Variants in CAMK4 observed in about 807,000 individuals in gnomAD.
CAMK4 encodes the protein calcium/calmodulin-dependent protein kinase type IV.
A neutral mutation model predicts 44.9 loss-of-function variants in CAMK4; 22 were observed. That is an observed-to-expected ratio of 0.49 (90% confidence interval 0.35 to 0.70). The LOEUF (loss-of-function observed/expected upper bound fraction) is 0.70, where lower values mean the gene tolerates loss of function less well. Among genes scored for constraint, CAMK4 ranks in the 30% least tolerant of loss-of-function variants. The pLI, the probability that CAMK4 is intolerant of heterozygous loss-of-function variation, is 0.01. For missense variants in CAMK4, 498 were observed against 586.8 expected (o/e 0.85, Z 1.56); for synonymous variants, 218 against 215.4 (o/e 1.01, Z -0.11).
chr5:111,296,283 A>G (rs2112635986), intron 1 of CAMK4, among the ~76,000 whole-genome samples: 1 of 152,298 alleles, frequency 6.6e-6, no homozygotes, highest in East Asian at 1.9e-4. Context: ...GAAATATTTA[A>G]GCCTAAGGAA....
At chr5:111,230,877 A>G (rs575056538) in intron 1 of CAMK4, among the ~76,000 whole-genome samples, 1 of 152,098 alleles carries the variant, frequency 6.6e-6, no homozygotes, top group Non-Finnish European at 1.5e-5. Context: ...GTATCTAATA[A>G]ACAGAATATT....
intron 8 of CAMK4, among the ~76,000 whole-genome samples, chr5:111,473,869 GT>G (rs1476727062): frequency 1.3e-5 from 2 of 151,988 alleles, no homozygotes; most frequent in African/African-American, 4.8e-5. Flanking sequence ...TTTCTGTTAG[GT>G]TTTCAAGGGT....
intron 2 of CAMK4, among the ~76,000 whole-genome samples, chr5:111,350,318 A>T (rs1470588716): frequency 2.0e-5 from 3 of 152,076 alleles, no homozygotes; most frequent in Non-Finnish European, 4.4e-5. Context: ...ATATAATTTT[A>T]ATGTTCTCAT....
chr5:111,249,440 AATT>A (rs1561361417), intron 1 of CAMK4, among the ~76,000 whole-genome samples: 1 of 150,952 alleles, frequency 6.6e-6, no homozygotes, highest in Non-Finnish European at 1.5e-5. Flanking sequence ...ATTTGAATAT[AATT>A]ATATGTATTT....
intron 2 of CAMK4, among the ~76,000 whole-genome samples, chr5:111,371,059 T>C (rs561628423): frequency 6.6e-6 from 1 of 152,182 alleles, no homozygotes; most frequent in Admixed American, 6.5e-5. Context: ...TATAAGTGTT[T>C]GTCTCTTGCT....
chr5:111,258,558 C>T (rs1483941414), intron 1 of CAMK4, among the ~76,000 whole-genome samples: 2 of 152,100 alleles, frequency 1.3e-5, no homozygotes, highest in Non-Finnish European at 2.9e-5. Flanking sequence ...CATCAGATCT[C>T]GTGAGACTGA....
chr5:111,261,668 G>A (rs1485297345), intron 1 of CAMK4, among the ~76,000 whole-genome samples: 1 of 151,458 alleles, frequency 6.6e-6, no homozygotes, highest in Admixed American at 6.6e-5. Context: ...TGCAAAAGTT[G>A]GAGAGAATGC....
intron 2 of CAMK4, among the ~76,000 whole-genome samples, chr5:111,360,111 T>G (rs962569298): frequency 3.3e-5 from 5 of 152,216 alleles, no homozygotes; most frequent in African/African-American, 1.2e-4. Flanking sequence ...GAACCTGAAT[T>G]CCTCTTGCTA....
rs138550485 is a variant in CAMK4 at position 111,320,842 on chromosome 5, T to C, written c.162-23182T>C. Among the ~76,000 whole-genome samples the C allele has an allele frequency of 1.6e-3, 249 of 152,342 alleles. No homozygotes were observed. In the Middle Eastern group the frequency reaches 0.024, roughly 15 times the overall value. On this transcript the variant is annotated intron_variant, in intron 1 of 10. Transcript: ENST00000282356. ...TTTTAATTGATATTCAAGTGCATTG[T>C]CTTTCACATTTTAACATCTCTGCAG...
intron 3 of CAMK4, 60 bp from the exon 4 acceptor site, chr5:111,376,800 A>G (rs1751229156): frequency 9.8e-7 from 1 of 1,020,732 alleles, no homozygotes; most frequent in South Asian, 1.4e-5. Context: ...AGTATTAGCT[A>G]TTTCCAAGAA....
chr5:111,431,458 T>G (rs1458904645), intron 5 of CAMK4, among the ~76,000 whole-genome samples: 1 of 152,140 alleles, frequency 6.6e-6, no homozygotes, highest in African/African-American at 2.4e-5. Context: ...GGGCAAAGAC[T>G]TTTTGAACAA....
intron 1 of CAMK4, among the ~76,000 whole-genome samples, chr5:111,231,939 A>G (rs1748495075): frequency 6.6e-6 from 1 of 152,246 alleles, no homozygotes; most frequent in Non-Finnish European, 1.5e-5. Context: ...AAAGATTAGC[A>G]GAGTTAAAAC....
At chr5:111,317,779 G>C (rs953975338) in intron 1 of CAMK4, among the ~76,000 whole-genome samples, 1 of 151,866 alleles carries the variant, frequency 6.6e-6, no homozygotes, top group Non-Finnish European at 1.5e-5. Context: ...TTAATGCTCT[G>C]CCATGGCCAT....
Position 111,274,356 on chromosome 5 carries a change from A to G in CAMK4, c.161+49712A>G, listed in dbSNP as rs540067689. ...TCTTCATTGTCTGTCTTCCTCCCCT[A>G]GAATGAAAGGTTTATTTTCGGAATT... On this transcript the variant is annotated intron_variant, in intron 1 of 10. Coordinates refer to ENST00000282356, the MANE Select transcript of CAMK4 (RefSeq NM_001744.6). Among the ~76,000 whole-genome samples the G allele has an allele frequency of 2.6e-5, 4 of 152,274 alleles. No homozygotes were observed. In the South Asian group the frequency reaches 6.2e-4, roughly 24 times the overall value.
chr5:111,321,818 C>A (rs563660693), intron 1 of CAMK4, among the ~76,000 whole-genome samples: 1 of 152,098 alleles, frequency 6.6e-6, no homozygotes, highest in African/African-American at 2.4e-5. Flanking sequence ...CCTGGAACAC[C>A]AAAGGGAAAT....
intron 2 of CAMK4, among the ~76,000 whole-genome samples, chr5:111,357,066 A>C (rs1010130084): frequency 3.3e-5 from 5 of 152,100 alleles, no homozygotes; most frequent in African/African-American, 1.2e-4. Flanking sequence ...TATGACATTT[A>C]ACCCCTTAGT....
At chr5:111,455,187 T>C (rs988147950) in intron 7 of CAMK4, among the ~76,000 whole-genome samples, 2 of 152,234 alleles carry the variant, frequency 1.3e-5, no homozygotes, top group Non-Finnish European at 2.9e-5. Context: ...TTATTAACAA[T>C]TGAAGAATGA....
chr5:111,433,610 G>A (rs984400875), intron 5 of CAMK4, among the ~76,000 whole-genome samples: 3 of 152,150 alleles, frequency 2.0e-5, no homozygotes, highest in Non-Finnish European at 2.9e-5. Context: ...ACCTCTGGAT[G>A]GGGAAGTGGT....
intron 5 of CAMK4, among the ~76,000 whole-genome samples, chr5:111,413,790 C>T (rs1752714234): frequency 6.6e-6 from 1 of 151,962 alleles, no homozygotes; most frequent in Non-Finnish European, 1.5e-5. Context: ...TTTGTAAAAT[C>T]ACTACCAATA....
Sources: gnomAD v4.1 joint callset for allele counts (sites outside exome capture counted in the v4.1 genomes callset) on GRCh38, gnomAD v4.1.1 for gene constraint, MANE v1.5 for transcripts, NCBI Gene and HGNC (gene_info 2026-07-23, HGNC 2026-07-21) for gene names.